The following POLR3B variants were observed in gnomAD, a reference collection of about 807,000 sequenced individuals.
POLR3B encodes RNA polymerase III subunit B.
In POLR3B, 96 loss-of-function variants were observed where a neutral mutation model predicts 147.4. The observed-to-expected ratio is 0.65, with a 90% CI of 0.55 to 0.77. The LOEUF (loss-of-function observed/expected upper bound fraction) is 0.77, where lower values mean the gene tolerates loss of function less well. POLR3B is among the 30% of genes least tolerant of loss of function. POLR3B has a pLI of 0.00. For missense variants in POLR3B, 1,036 were observed against 1,413.5 expected, an observed-to-expected ratio of 0.73 and a Z score of 4.28; for synonymous variants, 461 against 485.9, an observed-to-expected ratio of 0.95 and a Z score of 0.67.
At chr12:106,491,477 T>C (rs990556812) in intron 23 of POLR3B, among the ~76,000 whole-genome samples, 1 of 152,200 alleles carries the variant, frequency 6.6e-6, no homozygotes, top group Non-Finnish European at 1.5e-5. Flanking sequence ...TAAACACAGC[T>C]CTCTTCTTGC....
At chr12:106,427,438 G>A in intron 13 of POLR3B, 80 bp downstream of exon 13, 1 of 1,229,942 alleles carries the variant, frequency 8.1e-7, no homozygotes, top group Non-Finnish European at 1.2e-6. Flanking sequence ...AAAGCACTTT[G>A]AGAATCCAGG....
chr12:106,375,454 G>A (rs1332097267), intron 6 of POLR3B, among the ~76,000 whole-genome samples: 1 of 152,120 alleles, frequency 6.6e-6, no homozygotes, highest in Non-Finnish European at 1.5e-5. Flanking sequence ...CTGATTAGGT[G>A]TTGATTAGTC....
chr12:106,387,259 G>C (rs1474931071), intron 9 of POLR3B, among the ~76,000 whole-genome samples: 1 of 152,040 alleles, frequency 6.6e-6, no homozygotes, highest in Non-Finnish European at 1.5e-5. Flanking sequence ...TTATGAATCT[G>C]CATCATTATT....
intron 12 of POLR3B, among the ~76,000 whole-genome samples, chr12:106,414,416 C>G (rs777119666): frequency 2.0e-5 from 3 of 151,926 alleles, no homozygotes; most frequent in Non-Finnish European, 4.4e-5. Context: ...GGGATACTTT[C>G]TTTTGGGGAT....
At chr12:106,472,200 T>C (rs2038103376) in intron 23 of POLR3B, among the ~76,000 whole-genome samples, 1 of 142,496 alleles carries the variant, frequency 7.0e-6, no homozygotes, top group Non-Finnish European at 1.5e-5. Context: ...ACTCATCATT[T>C]TTTATGGCTG....
At chr12:106,451,858 A>C (rs1476964502) in intron 19 of POLR3B, among the ~76,000 whole-genome samples, 1 of 152,194 alleles carries the variant, frequency 6.6e-6, no homozygotes, top group Non-Finnish European at 1.5e-5. Context: ...TTGTGACTTA[A>C]GAAAGTTGTT....
chr12:106,495,999 G>C (rs1181488086), intron 23 of POLR3B, 56 bp from the exon 24 acceptor site: 1 of 997,094 alleles, frequency 1.0e-6, no homozygotes, highest in African/African-American at 1.6e-5. Context: ...ATTAAGTACT[G>C]TATTCTTCCT....
At chr12:106,432,020 T>C (rs1310358220) in intron 14 of POLR3B, among the ~76,000 whole-genome samples, 1 of 152,236 alleles carries the variant, frequency 6.6e-6, no homozygotes, top group Non-Finnish European at 1.5e-5. Flanking sequence ...ATTGTTAATG[T>C]AATCAGTTTT....
At chr12:106,485,378 G>T (rs1411744212) in intron 23 of POLR3B, among the ~76,000 whole-genome samples, 1 of 152,080 alleles carries the variant, frequency 6.6e-6, no homozygotes, top group Non-Finnish European at 1.5e-5. Context: ...CCATAAAAAT[G>T]AATATAAGCA....
chr12:106,376,305 C>T, intron 6 of POLR3B, 54 bp from the exon 7 acceptor site: 1 of 1,254,908 alleles, frequency 8.0e-7, no homozygotes, highest in East Asian at 2.3e-5. Context: ...TTTTTTGCAG[C>T]TTTTATCATT....
In POLR3B at chr12:106,459,343, C is replaced by T. The variant is rs2037906066; in HGVS notation, c.2545C>T (p.Pro849Ser). The change falls in exon 22 of 28, where the codon CCA (proline) becomes TCA (serine). Residue 849 changes from proline (P) to serine (S), a missense_variant. Transcript: ENST00000228347. ...GGAAGGAAGTAATGTACCACAGCAA[C>T]CACAGTACAAAGATGTACCCATAAC... Reference protein sequence around the residue: ...PLEGSNVPQQPQYKDVPITYK... With the variant: ...PLEGSNVPQQSQYKDVPITYK... 2 of 1,577,514 alleles carry T rather than the reference C, an allele frequency of 1.3e-6. No homozygotes were observed. Among genetic ancestry groups the T allele is most frequent in the Non-Finnish European group, 1.7e-6 (2 of 1,146,676 alleles).
chr12:106,378,020 C>T lies in POLR3B; in HGVS notation c.497-247C>T, dbSNP rs113387034. ...GGCGAATCACTTGAGGTTAGCAGTC[C>T]GAGGTTGCAGTGAGCTATGATTGTG... On this transcript the variant is annotated intron_variant, in intron 7 of 27. Coordinates refer to ENST00000228347, the MANE Select transcript of POLR3B (RefSeq NM_018082.6). Among the ~76,000 whole-genome samples the T allele has an allele frequency of 3.7e-3, 563 of 152,168 alleles. 4 individuals carry two copies. The highest frequency in any genetic ancestry group is 0.013 in the African/African-American group (529 of 41,512).
At chr12:106,371,804 G>C (rs2036611413) in intron 6 of POLR3B, among the ~76,000 whole-genome samples, 2 of 132,112 alleles carry the variant, frequency 1.5e-5, no homozygotes, top group Admixed American at 8.1e-5. Context: ...TTGGGGGAGG[G>C]GGGTGGGATA....
At position 106,444,710 on chromosome 12, in the gene POLR3B, T is replaced by G. The variant is rs974252700; in HGVS notation, c.2083+120T>G. The stretch of plus-strand genomic sequence containing the variant: ...TTCCCAACCAGGCACTGGGAACACC[T>G]GAGGGTTACCAAGCCCAGGGAGTTG... On this transcript the variant is annotated intron_variant, in intron 19 of 27. Coordinates refer to ENST00000228347, the MANE Select transcript of POLR3B (RefSeq NM_018082.6). The G allele has an allele frequency of 1.7e-5, 18 of 1,048,868 alleles. No individual in the cohort carries two copies. The African/African-American group carries it at 2.7e-4, about 16-fold the overall frequency. The allele number at this position is 1,048,868 out of a possible 1,614,324, so 65.0% of individuals were successfully genotyped here.
rs753657104 is a variant in POLR3B at position 106,501,332 on chromosome 12, A to G, written c.2994A>G (p.Leu998=). 1 of 1,604,964 alleles carries G rather than the reference A, an allele frequency of 6.2e-7. No individual in the cohort carries two copies. The highest frequency in any genetic ancestry group is 8.5e-7 in the Non-Finnish European group (1 of 1,171,702). ...YVTSGITGEP[L]EAYIYFGPVY... Reference sequence around the variant, plus strand: ...TTGATCTTTCTTTCAGTGAGCCCTTAGAAGCATACATCTATTTTGGCCCCG... The same window carrying G: ...TTGATCTTTCTTTCAGTGAGCCCTTGGAAGCATACATCTATTTTGGCCCCG... The change falls in exon 26 of 28, where the codon TTA becomes TTG. Residue 998 remains leucine, a synonymous_variant. Transcript: ENST00000228347.
intron 9 of POLR3B, among the ~76,000 whole-genome samples, chr12:106,391,835 T>G (rs1593014183): frequency 6.6e-6 from 1 of 152,350 alleles, no homozygotes; most frequent in East Asian, 1.9e-4. Context: ...TTTCCCTTCC[T>G]TTCTTTTTTG....
intron 19 of POLR3B, among the ~76,000 whole-genome samples, chr12:106,444,899 A>G (rs918482238): frequency 1.3e-4 from 20 of 152,210 alleles, no homozygotes; most frequent in African/African-American, 4.6e-4. Flanking sequence ...TATAAGATGT[A>G]ACTTGTTAAC....
At chr12:106,409,207 A>T (rs2037188164) in intron 11 of POLR3B, among the ~76,000 whole-genome samples, 1 of 152,124 alleles carries the variant, frequency 6.6e-6, no homozygotes, top group Admixed American at 6.5e-5. Context: ...TAGAACAATA[A>T]AATGTAAATT....
intron 17 of POLR3B, 64 bp from the exon 18 acceptor site, chr12:106,437,617 T>C: frequency 1.1e-6 from 1 of 887,044 alleles, no homozygotes; most frequent in Non-Finnish European, 1.9e-6. Flanking sequence ...TATCTCCTGT[T>C]ATTATATAAA....
Sources: allele counts gnomAD v4.1 joint callset (sites outside exome capture counted in the v4.1 genomes callset), GRCh38; gene constraint gnomAD v4.1.1; transcripts MANE v1.5; gene names NCBI Gene and HGNC (gene_info 2026-07-23, HGNC 2026-07-21).